Variants in TNIK observed in about 807,000 individuals in gnomAD.
TNIK encodes the protein TRAF2 and NCK interacting kinase.
A neutral mutation model predicts 191.3 loss-of-function variants in TNIK; 49 were observed. The observed-to-expected ratio is 0.26, with a 90% CI of 0.20 to 0.32. The LOEUF is 0.32. TNIK is among the 10% of genes least tolerant of loss of function. The probability of loss-of-function intolerance (pLI) is 1.00; values close to 1 mark genes in which losing one functional copy is unlikely to be tolerated. For synonymous variants in TNIK, 594 were observed against 600.9 expected (o/e 0.99, Z 0.17); for missense variants, 1,155 against 1,702.3 (o/e 0.68, Z 5.66).
At chr3:171,176,493 A>G (rs956669931) in intron 8 of TNIK, among the ~76,000 whole-genome samples, 1 of 152,210 alleles carries the variant, frequency 6.6e-6, no homozygotes, top group African/African-American at 2.4e-5. Flanking sequence ...ATGGGAAGTC[A>G]TCAGATTGCT....
intron 1 of TNIK, among the ~76,000 whole-genome samples, chr3:171,438,145 A>G (rs1221327336): frequency 6.6e-6 from 1 of 152,240 alleles, no homozygotes; most frequent in Admixed American, 6.5e-5. Context: ...TGTTGTCTTA[A>G]TGAACCACTT....
At chr3:171,452,699 C>T (rs1252393916) in intron 1 of TNIK, among the ~76,000 whole-genome samples, 3 of 148,270 alleles carry the variant, frequency 2.0e-5, no homozygotes, top group East Asian at 2.0e-4. Flanking sequence ...AAGTATTATC[C>T]GATTGTTGAA....
intron 1 of TNIK, among the ~76,000 whole-genome samples, chr3:171,370,535 C>T (rs983523644): frequency 6.6e-5 from 10 of 152,190 alleles, no homozygotes; most frequent in Non-Finnish European, 1.5e-4. Context: ...TGATTCCTAA[C>T]TGGACAGAAA....
rs1255332008 is a variant in TNIK at position 171,123,636 on chromosome 3, C to T, written c.2080G>A (p.Ala694Thr). 1.3e-6 allele frequency: 2 copies of T among 1,575,654 alleles called. No individual in the cohort carries two copies. Among genetic ancestry groups the T allele is most frequent in the South Asian group, 1.2e-5 (1 of 85,534 alleles). Reference sequence around the variant, plus strand: ...TGAGATCCTAGTCTGGGTCCCAGAGCACTACCATTCCCAGGAGAATTCTTT... The same window carrying T: ...TGAGATCCTAGTCTGGGTCCCAGAGTACTACCATTCCCAGGAGAATTCTTT... ...ARKNSPGNGS[A>T]LGPRLGSQPI... is the part of the protein sequence containing the mutation. Residue 694 changes from alanine to threonine, a missense_variant, in exon 18 of 33, where the codon GCT becomes ACT. Ala to Thr is a moderately conservative substitution (Grantham distance 58, BLOSUM62 0). Around this residue, in one of 3 missense-constraint regions of TNIK, gnomAD observed 735 missense variants for 848.0 expected, o/e 0.87. Coordinates refer to ENST00000436636, the MANE Select transcript of TNIK (RefSeq NM_015028.4).
chr3:171,148,377 A>C lies in TNIK; in HGVS notation c.1222-7868T>G, dbSNP rs573065131. ...CAATGTGATTATTCACAAACTCCTT[A>C]GTGTCTCTGAGCCTCAGTTTCTCCT... On this transcript the variant is annotated intron_variant, in intron 12 of 32. Transcript: ENST00000436636. Among the ~76,000 whole-genome samples, 118 of 152,308 alleles carry C rather than the reference A, an allele frequency of 7.7e-4. 1 individual carries two copies. The highest frequency in any genetic ancestry group is 2.8e-3 in the African/African-American group (116 of 41,572).
intron 16 of TNIK, among the ~76,000 whole-genome samples, chr3:171,127,122 T>TG (rs912726056): frequency 6.6e-6 from 1 of 151,684 alleles, no homozygotes; most frequent in African/African-American, 2.4e-5. Flanking sequence ...AAATCCTGGT[T>TG]GGGGAAAAAA....
At chr3:171,118,025 T>C (rs1015121210) in intron 18 of TNIK, among the ~76,000 whole-genome samples, 2 of 152,166 alleles carry the variant, frequency 1.3e-5, no homozygotes, top group African/African-American at 2.4e-5. Context: ...GATGACATGA[T>C]TGTATATCTA....
chr3:171,361,558 G>A lies in TNIK; in HGVS notation c.123+8062C>T, dbSNP rs572763430. Among the ~76,000 whole-genome samples, 3 of 152,264 alleles carry A rather than the reference G, an allele frequency of 2.0e-5. No homozygotes were observed. In the East Asian group the frequency reaches 5.8e-4, roughly 29 times the overall value. Reference sequence around the variant, plus strand: ...TCTATGAGGATGAAAAATTCATCAAGCCAACATATTTCAAAGGTGAATGAT... The same window carrying A: ...TCTATGAGGATGAAAAATTCATCAAACCAACATATTTCAAAGGTGAATGAT... On this transcript the variant is annotated intron_variant, in intron 2 of 32. Coordinates refer to ENST00000436636, the MANE Select transcript of TNIK (RefSeq NM_015028.4).
At chr3:171,320,146 T>C (rs1466893005) in intron 2 of TNIK, among the ~76,000 whole-genome samples, 1 of 152,194 alleles carries the variant, frequency 6.6e-6, no homozygotes. Context: ...GGGTCCTCCA[T>C]GGTTCTTCTG....
chr3:171,216,520 A>G (rs1428323095), intron 3 of TNIK, among the ~76,000 whole-genome samples: 1 of 152,204 alleles, frequency 6.6e-6, no homozygotes, highest in East Asian at 1.9e-4. Flanking sequence ...TTGAAATTTT[A>G]GTAGGATCTT....
chr3:171,261,216 A>C (rs1747564268), intron 2 of TNIK, among the ~76,000 whole-genome samples: 1 of 151,756 alleles, frequency 6.6e-6, no homozygotes, highest in Non-Finnish European at 1.5e-5. Flanking sequence ...CATTTCTCCC[A>C]CCCTTCTATA....
At chr3:171,099,481 A>G (rs1723157067) in intron 22 of TNIK, among the ~76,000 whole-genome samples, 1 of 152,052 alleles carries the variant, frequency 6.6e-6, no homozygotes, top group African/African-American at 2.4e-5. Flanking sequence ...AATGTAAATT[A>G]TAGTCACTGA....
At chr3:171,076,171 C>G (rs988967298) in intron 28 of TNIK, among the ~76,000 whole-genome samples, 2 of 151,664 alleles carry the variant, frequency 1.3e-5, no homozygotes, top group Non-Finnish European at 2.9e-5. Flanking sequence ...GGAACATGTC[C>G]TTCTCAGGCA....
intron 2 of TNIK, among the ~76,000 whole-genome samples, chr3:171,365,511 T>C (rs1024662412): frequency 1.4e-4 from 21 of 151,458 alleles, no homozygotes; most frequent in African/African-American, 4.8e-4. Flanking sequence ...TGAAAGAATA[T>C]TTAATTTTAA....
intron 1 of TNIK, among the ~76,000 whole-genome samples, chr3:171,397,905 A>C (rs1720456444): frequency 6.6e-6 from 1 of 152,226 alleles, no homozygotes; most frequent in Admixed American, 6.5e-5. Context: ...AACTAAAACC[A>C]AATAATAAAA....
chr3:171,384,640 T>A (rs1577718555), intron 1 of TNIK, among the ~76,000 whole-genome samples: 1 of 152,218 alleles, frequency 6.6e-6, no homozygotes, highest in Admixed American at 6.5e-5. Context: ...ACACTTTATA[T>A]CCAATAAATG....
At chr3:171,140,553 G>C in intron 12 of TNIK, 44 bp from the exon 13 acceptor site, 2 of 1,582,892 alleles carry the variant, frequency 1.3e-6, no homozygotes, top group Non-Finnish European at 1.7e-6. Flanking sequence ...ACAGGCCCCG[G>C]TGGGGGGTGT....
At chr3:171,344,237 G>A (rs1408427206) in intron 2 of TNIK, among the ~76,000 whole-genome samples, 1 of 152,142 alleles carries the variant, frequency 6.6e-6, no homozygotes, top group African/African-American at 2.4e-5. Flanking sequence ...CTGACCCTCA[G>A]TGGGCAATTC....
intron 1 of TNIK, chr3:171,439,567 A>T (rs6444990): frequency 0.79 from 119,721 of 152,034 alleles, 47,490 homozygotes; most frequent in African/African-American, 0.89. Flanking sequence ...TATTAGCTAT[A>T]AATATTGGTA....
Sources: allele counts gnomAD v4.1 joint callset (sites outside exome capture counted in the v4.1 genomes callset), GRCh38; gene constraint gnomAD v4.1.1; regional missense constraint gnomAD v4.1.1; transcripts MANE v1.5; gene names NCBI Gene and HGNC (gene_info 2026-07-23, HGNC 2026-07-21).